The following ZFAT variants were observed in gnomAD, a reference collection of about 807,000 sequenced individuals.
ZFAT encodes the protein zinc finger protein ZFAT.
ZFAT carries 64 observed loss-of-function variants against 117.7 expected under a neutral mutation model. The observed-to-expected ratio is 0.54, with a 90% confidence interval of 0.44 to 0.67. The LOEUF is 0.67. Among genes scored for constraint, ZFAT ranks in the 30% least tolerant of loss-of-function variants. The pLI, the probability that ZFAT is intolerant of heterozygous loss-of-function variation, is 0.00. For synonymous variants in ZFAT, 679 were observed against 615.0 expected, an observed-to-expected ratio of 1.10 and a Z score of -1.54; for missense variants, 1,433 against 1,584.5, an observed-to-expected ratio of 0.90 and a Z score of 1.62.
Position 134,565,385 on chromosome 8 carries a change from G to T in ZFAT, c.2924C>A (p.Ala975Glu), listed in dbSNP as rs200726532. ...CCGCAGCAGCTGTGGCTTCTGGGCCGCTGTGTAGTCACACACCGTGCACTT... is the reference window on the plus strand; with the variant it reads ...CCGCAGCAGCTGTGGCTTCTGGGCCTCTGTGTAGTCACACACCGTGCACTT... ...QFKCTVCDYT[A>E]AQKPQLLRHM... is the part of the protein sequence containing the mutation. Residue 975 changes from alanine (A) to glutamate (E), a missense_variant, in exon 11 of 16, where the codon GCG becomes GAG. By Grantham distance (107) the Ala-to-Glu change is moderately radical. Coordinates refer to ENST00000377838, the MANE Select transcript of ZFAT (RefSeq NM_020863.4). 2 of 1,613,684 alleles carry T rather than the reference G, an allele frequency of 1.2e-6. No individual in the cohort carries two copies. The highest frequency in any genetic ancestry group is 1.7e-6 in the Non-Finnish European group (2 of 1,179,880).
the ZFAT span, among the ~76,000 whole-genome samples, chr8:134,720,037 T>G: frequency 2.0e-5 from 3 of 152,234 alleles, no homozygotes; most frequent in Admixed American, 6.5e-5. Context: ...ACTTGGACAC[T>G]GGGTCTTTGG....
intron 2 of ZFAT, among the ~76,000 whole-genome samples, chr8:134,655,046 C>T (rs527836486): frequency 3.3e-5 from 5 of 152,292 alleles, no homozygotes; most frequent in African/African-American, 1.2e-4. Context: ...CCAGCAAGAA[C>T]ACCTGCAAGG....
At chr8:134,556,784 T>C (rs981581507) in intron 11 of ZFAT, among the ~76,000 whole-genome samples, 2 of 151,936 alleles carry the variant, frequency 1.3e-5, no homozygotes, top group African/African-American at 4.8e-5. Flanking sequence ...ACACAAGAAA[T>C]GCTAAAAGAA....
At chr8:134,479,568 C>G (rs56067442) in intron 15 of ZFAT, among the ~76,000 whole-genome samples, 1 of 151,966 alleles carries the variant, frequency 6.6e-6, no homozygotes, top group Non-Finnish European at 1.5e-5. Flanking sequence ...CTTAGAGCTG[C>G]AAAAATGAGT....
At chr8:134,530,783 A>T (rs1483815351) in intron 12 of ZFAT, among the ~76,000 whole-genome samples, 1 of 101,070 alleles carries the variant, frequency 9.9e-6, no homozygotes, top group African/African-American at 3.3e-5. Flanking sequence ...AAAATAAAAA[A>T]ATAATACAAA....
At chr8:134,763,923 C>G in the ZFAT span, among the ~76,000 whole-genome samples, 1 of 152,166 alleles carries the variant, frequency 6.6e-6, no homozygotes, top group Non-Finnish European at 1.5e-5. Context: ...ATCAGGTTTC[C>G]TTTCCTGGAT....
At chr8:134,539,271 T>C (rs1404102947) in intron 11 of ZFAT, among the ~76,000 whole-genome samples, 1 of 152,172 alleles carries the variant, frequency 6.6e-6, no homozygotes. Flanking sequence ...CTGACTGCAA[T>C]GTACAGGATG....
At chr8:134,513,878 T>C (rs1391196760) in intron 13 of ZFAT, among the ~76,000 whole-genome samples, 1 of 152,198 alleles carries the variant, frequency 6.6e-6, no homozygotes, top group East Asian at 1.9e-4. Context: ...TGACATATAG[T>C]AGTCACCCAA....
the ZFAT span, among the ~76,000 whole-genome samples, chr8:134,722,553 T>A: frequency 6.6e-6 from 1 of 152,038 alleles, no homozygotes; most frequent in Non-Finnish European, 1.5e-5. Flanking sequence ...AAAAGGCAAA[T>A]AAGAAACGAT....
At chr8:134,533,040 C>T in intron 11 of ZFAT, 68 bp from the exon 12 acceptor site, 1 of 1,538,302 alleles carries the variant, frequency 6.5e-7, no homozygotes, top group Non-Finnish European at 8.7e-7. Context: ...GCTGCTCCCA[C>T]CTGGTGAGCA....
chr8:134,759,120 C>T, the ZFAT span, among the ~76,000 whole-genome samples: 1 of 152,174 alleles, frequency 6.6e-6, no homozygotes, highest in Non-Finnish European at 1.5e-5. Context: ...AGAATTCAGA[C>T]ACGAGGCAGG....
chr8:134,832,211 C>T, the ZFAT span, among the ~76,000 whole-genome samples: 2 of 151,698 alleles, frequency 1.3e-5, no homozygotes, highest in Non-Finnish European at 2.9e-5. Flanking sequence ...GCCTCCGCCG[C>T]GTCCGTCATG....
intron 13 of ZFAT, among the ~76,000 whole-genome samples, chr8:134,516,721 T>A (rs1160113742): frequency 6.6e-6 from 1 of 152,068 alleles, no homozygotes; most frequent in East Asian, 1.9e-4. Context: ...TCCTATCTAC[T>A]TGGAAGATAG....
intron 11 of ZFAT, among the ~76,000 whole-genome samples, chr8:134,555,255 G>A (rs999498484): frequency 6.6e-6 from 1 of 151,350 alleles, no homozygotes; most frequent in Non-Finnish European, 1.5e-5. Flanking sequence ...GAGACTTAGT[G>A]ACTAGAAACT....
intron 3 of ZFAT, among the ~76,000 whole-genome samples, chr8:134,631,651 G>A (rs1202020381): frequency 6.6e-6 from 1 of 152,220 alleles, no homozygotes; most frequent in Non-Finnish European, 1.5e-5. Context: ...GCTAGGCGAG[G>A]GTGACAATTG....
intron 2 of ZFAT, among the ~76,000 whole-genome samples, chr8:134,646,613 C>G (rs1235105630): frequency 1.3e-5 from 2 of 151,584 alleles, no homozygotes; most frequent in Non-Finnish European, 1.5e-5. Flanking sequence ...AAACTAAGAG[C>G]TTGTTGTTTG....
intron 12 of ZFAT, among the ~76,000 whole-genome samples, chr8:134,529,538 G>A (rs776927293): frequency 6.6e-6 from 1 of 152,166 alleles, no homozygotes; most frequent in Non-Finnish European, 1.5e-5. Flanking sequence ...TAAGCCAGGA[G>A]TATAATATTT....
chr8:134,505,002 C>T (rs1819284930), intron 15 of ZFAT, among the ~76,000 whole-genome samples: 1 of 152,194 alleles, frequency 6.6e-6, no homozygotes, highest in South Asian at 2.1e-4. Flanking sequence ...CACAGCACTC[C>T]TGGGTCCCTG....
At position 134,682,512 on chromosome 8, in the gene ZFAT, G is replaced by A. The variant is rs568918051; in HGVS notation, c.20-24775C>T. ...CTATCAAAAATACAAAAAATTAGCC[G>A]GGTGTGGTGGCGCCTGCCTGTGGTC... is the stretch of plus-strand genomic sequence containing the variant. On this transcript the variant is annotated intron_variant, in intron 1 of 15. Transcript: ENST00000377838. 4.8e-4 allele frequency among the ~76,000 whole-genome samples: 73 copies of A among 152,248 alleles called. 1 individual carries two copies. The highest frequency in any genetic ancestry group is 1.6e-3 in the African/African-American group (67 of 41,548).
Sources: gnomAD v4.1 joint callset for allele counts (sites outside exome capture counted in the v4.1 genomes callset) on GRCh38, gnomAD v4.1.1 for gene constraint, MANE v1.5 for transcripts, NCBI Gene and HGNC (gene_info 2026-07-23, HGNC 2026-07-21) for gene names.